Variants in IDH2 observed in about 807,000 individuals in gnomAD.
IDH2 encodes the protein isocitrate dehydrogenase (NADP(+)) 2, also known as isocitrate dehydrogenase [NADP], mitochondrial.
Under a neutral mutation model 50.5 loss-of-function variants are expected in IDH2, and 18 were observed. That is an observed-to-expected ratio of 0.36 (90% CI 0.25 to 0.53). The LOEUF is 0.53. IDH2 is among the 20% of genes least tolerant of loss of function. The pLI, the probability that IDH2 is intolerant of heterozygous loss-of-function variation, is 0.92. For synonymous variants in IDH2, 280 were observed against 239.8 expected, an observed-to-expected ratio of 1.17 and a Z score of -1.55; for missense variants, 518 against 610.7, an observed-to-expected ratio of 0.85 and a Z score of 1.60.
rs1304771478 is a variant in IDH2, at chr15:90,084,159, A to T, written c.*107T>A. On this transcript the variant is annotated 3_prime_UTR_variant, in exon 11 of 11. Transcript: ENST00000330062. The surrounding 1 kb of genome is among the most constrained non-coding windows in gnomAD (Gnocchi z 5.0). Reference sequence around the variant, plus strand: ...TCTGGCTTATAAAAAAACATCCCCTAGAAAGGCCTCCAGAGAGGGGCTGTG... The same window carrying T: ...TCTGGCTTATAAAAAAACATCCCCTTGAAAGGCCTCCAGAGAGGGGCTGTG... The T allele has an allele frequency of 1.2e-6, 1 of 819,130 alleles. No homozygotes were observed. Among genetic ancestry groups the T allele is most frequent in the Non-Finnish European group, 2.0e-6 (1 of 489,992 alleles). 50.7% of individuals were successfully genotyped at this position (819,130 alleles called of 1,614,324 possible).
chr15:90,093,886 C>T (rs1901114092), intron 1 of IDH2, among the ~76,000 whole-genome samples: 1 of 145,452 alleles, frequency 6.9e-6, no homozygotes, highest in African/African-American at 2.4e-5. Context: ...TCCCAAAGTG[C>T]TGGGATTACA....
chr15:90,094,188 G>A (rs534538433), intron 1 of IDH2, among the ~76,000 whole-genome samples: 1 of 152,282 alleles, frequency 6.6e-6, no homozygotes, highest in South Asian at 2.1e-4. Flanking sequence ...GGCAGGGGAC[G>A]CTACTGAAGG....
chr15:90,087,131 C>G lies in IDH2; in HGVS notation c.948G>C (p.Gln316His). ...GCGTACCCTGGGCCAGGATGTCTGA[C>G]TGCACATCTCCGTCATAGTTCTTGC... ...WACKNYDGDV[Q>H]SDILAQGFGS... Residue 316 changes from glutamine (Q) to histidine (H), a missense_variant, in exon 7 of 11, where the codon CAG becomes CAC. This residue lies in a region of IDH2 where 23 missense variants were observed against 57.9 expected (regional missense o/e 0.40). Coordinates refer to ENST00000330062, the MANE Select transcript of IDH2 (RefSeq NM_002168.4). 6.2e-7 allele frequency: 1 copy of G among 1,614,208 alleles called. No homozygotes were observed.
At chr15:90,088,016 A>G (rs1937539433) in intron 5 of IDH2, among the ~76,000 whole-genome samples, 1 of 152,034 alleles carries the variant, frequency 6.6e-6, no homozygotes, top group Non-Finnish European at 1.5e-5. Flanking sequence ...GGAACTGGGG[A>G]TAAAGAGGCA....
At chr15:90,087,825 G>C (rs1226906790) in intron 5 of IDH2, among the ~76,000 whole-genome samples, 2 of 88,160 alleles carry the variant, frequency 2.3e-5, no homozygotes, top group African/African-American at 1.2e-4. Context: ...TTTTTTTTTG[G>C]AAACAACTTT....
At position 90,085,072 on chromosome 15, in the gene IDH2, G is replaced by C. The variant is rs199985988; in HGVS notation, c.1107C>G (p.Ile369Met). 6.2e-7 allele frequency: 1 copy of C among 1,613,976 alleles called. No individual in the cohort carries two copies. The highest frequency in any genetic ancestry group is 1.1e-5 in the South Asian group (1 of 91,088). ...QKGRPTSTNP[I>M]ASIFAWTRGL... is the part of the protein sequence containing the mutation. ...CACGTGTCCAGGCAAAGATGCTGGC[G>C]ATGGGGTTGGTGCTGGTGGGCCGGC... The change falls in exon 9 of 11, where the codon ATC becomes ATG. Residue 369 changes from isoleucine (I) to methionine (M), a missense_variant. By Grantham distance (10) the Ile-to-Met change is conservative (BLOSUM62 1). This residue lies in a region of IDH2 where 135 missense variants were observed against 167.6 expected (regional missense o/e 0.81). Transcript: ENST00000330062. This position sits in a 1 kb window ranked among gnomAD's most constrained non-coding sequence, Gnocchi z 5.5.
At chr15:90,091,740 G>T in intron 1 of IDH2, 96 bp from the exon 2 acceptor site, 1 of 1,018,236 alleles carries the variant, frequency 9.8e-7, no homozygotes, top group Non-Finnish European at 1.6e-6. Context: ...GGAGACAGTG[G>T]CAGAAAGCCA....
intron 1 of IDH2, among the ~76,000 whole-genome samples, chr15:90,095,620 A>C (rs1377353962): frequency 1.3e-5 from 2 of 152,088 alleles, no homozygotes. Flanking sequence ...AAGATCAAAG[A>C]CCTGATGTGT....
chr15:90,084,143 T>TA lies in IDH2; in HGVS notation c.*122dup, dbSNP rs1448918261. On this transcript the variant is annotated 3_prime_UTR_variant, in exon 11 of 11. Coordinates refer to ENST00000330062, the MANE Select transcript of IDH2 (RefSeq NM_002168.4). This position sits in a 1 kb window ranked among gnomAD's most constrained non-coding sequence, Gnocchi z 5.0. ...TATGCTTTTAAAAACATCTGGCTTATAAAAAAACATCCCCTAGAAAGGCCT... is the reference window on the plus strand; with the variant it reads ...TATGCTTTTAAAAACATCTGGCTTATAAAAAAAACATCCCCTAGAAAGGCCT... 9.5e-6 allele frequency: 7 copies of TA among 736,724 alleles called. No homozygotes were observed. The highest frequency in any genetic ancestry group is 8.1e-5 in the East Asian group (3 of 37,116). 45.6% of individuals were successfully genotyped at this position (736,724 alleles called of 1,614,324 possible). A position where few individuals can be genotyped will look rare whatever the true frequency, so the allele number is the denominator to read the frequency against.
At chr15:90,087,821 TTTGGAAACAAC>T in intron 5 of IDH2, among the ~76,000 whole-genome samples, 1 of 148,912 alleles carries the variant, frequency 6.7e-6, no homozygotes, top group South Asian at 2.1e-4. Flanking sequence ...TTTTTTTTTT[TTTGGAAACAAC>T]TTTTTTTTGG....
chr15:90,094,498 G>A (rs1160783462), intron 1 of IDH2, among the ~76,000 whole-genome samples: 3 of 152,214 alleles, frequency 2.0e-5, no homozygotes. Flanking sequence ...CTCACTTACA[G>A]CCCAATTACT....
At chr15:90,091,858 G>T (rs553946508) in intron 1 of IDH2, among the ~76,000 whole-genome samples, 15 of 152,362 alleles carry the variant, frequency 9.8e-5, no homozygotes, top group South Asian at 4.1e-4. Context: ...GTGGGCTCTG[G>T]AGAGAGGTCA....
At chr15:90,092,337 A>ACTTC (rs1393885152) in intron 1 of IDH2, among the ~76,000 whole-genome samples, 17 of 128,712 alleles carry the variant, frequency 1.3e-4, no homozygotes, top group East Asian at 1.1e-3. Context: ...ATCCATCCTT[A>ACTTC]CTTACTTCCT....
intron 1 of IDH2, among the ~76,000 whole-genome samples, chr15:90,092,723 T>C (rs572278734): frequency 1.1e-4 from 16 of 152,128 alleles, no homozygotes; most frequent in Non-Finnish European, 1.9e-4. Flanking sequence ...ATTTCAGGTG[T>C]GCACCACAAC....
At chr15:90,090,097 CT>C (rs1900992559) in intron 3 of IDH2, among the ~76,000 whole-genome samples, 1 of 152,226 alleles carries the variant, frequency 6.6e-6, no homozygotes, top group Non-Finnish European at 1.5e-5. Flanking sequence ...CCTCCTCCTC[CT>C]CCTCCTCAGC....
intron 1 of IDH2, 60 bp from the exon 2 acceptor site, chr15:90,091,704 C>T (rs781442213): frequency 3.2e-5 from 46 of 1,428,706 alleles, no homozygotes; most frequent in Non-Finnish European, 4.3e-5. Flanking sequence ...GGGCCCTCTC[C>T]TCCCAGCCAG....
Position 90,084,680 on chromosome 15 carries a change from G to C in IDH2, c.1271+136C>G. The stretch of plus-strand genomic sequence containing the variant: ...TGGTCTACAGAGGCTGGCCTGAGCA[G>C]TCTCTCAGGGCTGTGGACATGTCCT... On this transcript the variant is annotated intron_variant, in intron 10 of 10. Coordinates refer to ENST00000330062, the MANE Select transcript of IDH2 (RefSeq NM_002168.4). The surrounding 1 kb of genome is among the most constrained non-coding windows in gnomAD (Gnocchi z 5.0). The C allele has an allele frequency of 2.5e-6, 2 of 787,486 alleles. No homozygotes were observed. Among genetic ancestry groups the C allele is most frequent in the Admixed American group, 3.6e-5 (2 of 55,006 alleles). The allele number at this position is 787,486 out of a possible 1,614,324, so 48.8% of individuals were successfully genotyped here.
chr15:90,087,662 C>T (rs1291077034), intron 5 of IDH2, 87 bp from the exon 6 acceptor site: 15 of 1,518,040 alleles, frequency 9.9e-6, no homozygotes, highest in Middle Eastern at 2.3e-4. Context: ...AGGCCCAGCT[C>T]TCCAGGAACG....
intron 1 of IDH2, among the ~76,000 whole-genome samples, chr15:90,096,499 C>A (rs933707666): frequency 6.6e-6 from 1 of 151,910 alleles, no homozygotes; most frequent in Non-Finnish European, 1.5e-5. Flanking sequence ...AAAAGAAAAA[C>A]AAAACAGAAA....
Sources: allele counts gnomAD v4.1 joint callset (sites outside exome capture counted in the v4.1 genomes callset), GRCh38; gene constraint gnomAD v4.1.1; regional missense constraint gnomAD v4.1.1; non-coding constraint Gnocchi (gnomAD v3.1); transcripts MANE v1.5; gene names NCBI Gene and HGNC (gene_info 2026-07-23, HGNC 2026-07-21).